CLPB: variants seen among roughly 807,000 people sequenced by gnomAD.
CLPB encodes the protein mitochondrial disaggregase.
CLPB carries 40 observed loss-of-function variants against 78.4 expected under a neutral mutation model. The observed-to-expected ratio is 0.51, with a 90% CI of 0.40 to 0.66. The LOEUF is 0.66. Among genes scored for constraint, CLPB ranks in the 30% least tolerant of loss-of-function variants. The pLI is 0.00. For missense variants in CLPB, 780 were observed against 886.9 expected (o/e 0.88, Z 1.53); for synonymous variants, 333 against 348.0 (o/e 0.96, Z 0.48).
chr11:72,315,035 G>C (rs1364785576), intron 7 of CLPB, among the ~76,000 whole-genome samples: 1 of 152,168 alleles, frequency 6.6e-6, no homozygotes, highest in Non-Finnish European at 1.5e-5. Flanking sequence ...ACCAGTGAAG[G>C]AGCTGCCTGG....
At chr11:72,297,653 GTGTGTGTGTGTGTGTGT>G in intron 11 of CLPB, among the ~76,000 whole-genome samples, 1 of 90,904 alleles carries the variant, frequency 1.1e-5, no homozygotes, top group African/African-American at 8.0e-5. Flanking sequence ...GTGTGTGTGT[GTGTGTGTGTGTGTGTGT>G]GTGTGTGTGT....
chr11:72,302,502 CT>C, intron 9 of CLPB, 154 bp from the exon 10 acceptor site: 1 of 685,636 alleles, frequency 1.5e-6, no homozygotes, highest in Non-Finnish European at 2.6e-6. Context: ...TTCTGACTTC[CT>C]GTCTCCTTTT....
intron 2 of CLPB, among the ~76,000 whole-genome samples, chr11:72,416,692 C>T (rs995199252): frequency 1.4e-5 from 2 of 145,624 alleles, no homozygotes; most frequent in African/African-American, 2.6e-5. Flanking sequence ...GCCAAGATCG[C>T]GCCACTGCAT....
intron 11 of CLPB, among the ~76,000 whole-genome samples, chr11:72,298,352 C>T (rs530950677): frequency 2.4e-4 from 37 of 152,280 alleles, no homozygotes; most frequent in Non-Finnish European, 7.4e-5. Flanking sequence ...AGCGCAGCAC[C>T]GACCACAGTG....
chr11:72,293,984 G>A (rs1325221779), intron 15 of CLPB, 38 bp downstream of exon 15: 3 of 1,558,436 alleles, frequency 1.9e-6, no homozygotes, highest in Non-Finnish European at 8.8e-7. Flanking sequence ...GGGGAGGGAG[G>A]TGTGGAGGCG....
intron 5 of CLPB, among the ~76,000 whole-genome samples, chr11:72,347,007 AAAAG>A (rs1195511803): frequency 6.6e-6 from 1 of 150,468 alleles, no homozygotes; most frequent in Non-Finnish European, 1.5e-5. Flanking sequence ...AAAAAAAAAA[AAAAG>A]GTAAGTACCC....
intron 5 of CLPB, among the ~76,000 whole-genome samples, chr11:72,346,551 T>C (rs1477908278): frequency 7.3e-5 from 11 of 151,182 alleles, no homozygotes; most frequent in Admixed American, 7.3e-4. Flanking sequence ...GCCTGAGACA[T>C]TTCATTATGT....
intron 5 of CLPB, among the ~76,000 whole-genome samples, chr11:72,349,139 A>G (rs922211675): frequency 6.6e-6 from 1 of 152,234 alleles, no homozygotes; most frequent in African/African-American, 2.4e-5. Flanking sequence ...ATTACAGTGA[A>G]AGGAAGTCTG....
intron 3 of CLPB, among the ~76,000 whole-genome samples, chr11:72,395,704 A>C (rs193134707): frequency 6.6e-6 from 1 of 152,294 alleles, no homozygotes; most frequent in East Asian, 1.9e-4. Context: ...AAGCCAGACC[A>C]AGAATAGGTT....
At chr11:72,301,667 G>T in intron 11 of CLPB, 136 bp downstream of exon 11, 1 of 976,886 alleles carries the variant, frequency 1.0e-6, no homozygotes, top group Non-Finnish European at 1.5e-6. Context: ...GCACCTACTG[G>T]ATGAATGAAT....
chr11:72,326,461 T>C (rs1322978810), intron 6 of CLPB, among the ~76,000 whole-genome samples: 1 of 152,254 alleles, frequency 6.6e-6, no homozygotes, highest in African/African-American at 2.4e-5. Flanking sequence ...TTTATTTCTC[T>C]TCATTTTACT....
At position 72,312,745 on chromosome 11, in the gene CLPB, A is replaced by G. The variant is rs1046168591; in HGVS notation, c.989-4141T>C. ...AATCCTTCTCCAGGAAGCCTTATGT[A>G]TTTGTTTAGCAAAAAAGCTCTGTGC... On this transcript the variant is annotated intron_variant, in intron 7 of 15. Coordinates refer to ENST00000538039, the MANE Select transcript of CLPB (RefSeq NM_001258392.3). This position sits in a 1 kb window ranked among gnomAD's most constrained non-coding sequence, Gnocchi z 4.2. Among the ~76,000 whole-genome samples the G allele has an allele frequency of 1.3e-5, 2 of 152,136 alleles. No homozygotes were observed. Among genetic ancestry groups the G allele is most frequent in the African/African-American group, 2.4e-5 (1 of 41,430 alleles).
intron 6 of CLPB, among the ~76,000 whole-genome samples, chr11:72,323,169 AG>A (rs968427956): frequency 3.3e-4 from 51 of 152,394 alleles, no homozygotes; most frequent in African/African-American, 1.2e-3. Context: ...TAAACCCCAC[AG>A]GGTGTTCTTG....
At chr11:72,418,257 A>G (rs1395117419) in intron 2 of CLPB, among the ~76,000 whole-genome samples, 2 of 152,202 alleles carry the variant, frequency 1.3e-5, no homozygotes, top group African/African-American at 4.8e-5. Context: ...TGTGTGACTT[A>G]CTACGGTGAA....
chr11:72,380,184 T>C lies in CLPB; in HGVS notation c.646+97A>G, dbSNP rs3741162. 54,477 of 894,000 alleles carry C rather than the reference T, an allele frequency of 0.061. 2,122 individuals are homozygous for C. The highest frequency in any genetic ancestry group is 0.13 in the African/African-American group (7,830 of 60,732). 55.4% of individuals were successfully genotyped at this position (894,000 alleles called of 1,614,324 possible). On this transcript the variant is annotated intron_variant, in intron 4 of 15. Coordinates refer to ENST00000538039, the MANE Select transcript of CLPB (RefSeq NM_001258392.3). ...ACAGAGGTAAAGAACATGCAGGCTG[T>C]CACTCTGAGTTGCTGGTAGAGCTGA... is the stretch of plus-strand genomic sequence containing the variant.
intron 11 of CLPB, among the ~76,000 whole-genome samples, chr11:72,298,388 T>G (rs543007719): frequency 5.3e-5 from 8 of 152,322 alleles, no homozygotes; most frequent in Non-Finnish European, 1.2e-4. Context: ...TAGCTGCCTG[T>G]CTCCGCACTC....
intron 2 of CLPB, among the ~76,000 whole-genome samples, chr11:72,414,132 TTCCCCAGGCAGTGTGTGCCAAGGC>T (rs1446798724): frequency 2.0e-5 from 3 of 152,162 alleles, no homozygotes; most frequent in Non-Finnish European, 4.4e-5. Flanking sequence ...ACATCTTTGC[TTCCCCAGGCAGTGTGTGCCAAGGC>T]TGAGACTGAA....
chr11:72,327,722 T>C (rs1034654422), intron 6 of CLPB, among the ~76,000 whole-genome samples: 7 of 152,220 alleles, frequency 4.6e-5, no homozygotes, highest in Non-Finnish European at 8.8e-5. Context: ...ATGATGAGCA[T>C]GCAGTCCCTA....
chr11:72,350,638 T>C (rs533326131), intron 5 of CLPB, among the ~76,000 whole-genome samples: 1 of 152,284 alleles, frequency 6.6e-6, no homozygotes, highest in South Asian at 2.1e-4. Context: ...GTTTACAAAT[T>C]TTTTAATGAT....
Sources: allele counts gnomAD v4.1 joint callset (sites outside exome capture counted in the v4.1 genomes callset), GRCh38; gene constraint gnomAD v4.1.1; non-coding constraint Gnocchi (gnomAD v3.1); transcripts MANE v1.5; gene names NCBI Gene and HGNC (gene_info 2026-07-23, HGNC 2026-07-21).